The following RALGAPA1 variants were observed in gnomAD, a reference collection of about 807,000 sequenced individuals.
RALGAPA1 encodes the protein Ral GTPase activating protein catalytic subunit alpha 1, also known as ral GTPase-activating protein subunit alpha-1.
A neutral mutation model predicts 269.6 loss-of-function variants in RALGAPA1; 52 were observed. The ratio of observed to expected loss-of-function variants is 0.19; its 90% CI spans 0.15 to 0.24. RALGAPA1 has a LOEUF of 0.24. Among genes scored for constraint, RALGAPA1 ranks in the 10% least tolerant of loss-of-function variants. The pLI, the probability that RALGAPA1 is intolerant of heterozygous loss-of-function variation, is 1.00. For missense variants in RALGAPA1, 1,917 were observed against 3,013.9 expected (o/e 0.64, Z 8.52); for synonymous variants, 817 against 1,008.3 (o/e 0.81, Z 3.60).
intron 33 of RALGAPA1, among the ~76,000 whole-genome samples, chr14:35,629,850 T>C (rs1688598873): frequency 6.6e-6 from 1 of 152,216 alleles, no homozygotes; most frequent in African/African-American, 2.4e-5. Flanking sequence ...ATTTTATGTG[T>C]TTAGTTTGAT....
intron 21 of RALGAPA1, among the ~76,000 whole-genome samples, chr14:35,680,143 T>A (rs2065293643): frequency 1.3e-5 from 2 of 152,338 alleles, no homozygotes; most frequent in South Asian, 4.1e-4. Flanking sequence ...ATAAACCTTT[T>A]TATCTCCATG....
intron 16 of RALGAPA1, among the ~76,000 whole-genome samples, chr14:35,716,726 CT>C (rs1481783678): frequency 6.6e-6 from 1 of 152,128 alleles, no homozygotes; most frequent in Admixed American, 6.5e-5. Context: ...CCCACCTCAA[CT>C]TTTTAAAAAT....
chr14:35,606,770 A>C (rs1261865663), intron 35 of RALGAPA1, among the ~76,000 whole-genome samples: 1 of 151,300 alleles, frequency 6.6e-6, no homozygotes, highest in Non-Finnish European at 1.5e-5. Context: ...AAAAAAAAAA[A>C]CCCTGCAACA....
chr14:35,766,472 TG>T, intron 4 of RALGAPA1: 3 of 1,495,232 alleles, frequency 2.0e-6, no homozygotes, highest in Non-Finnish European at 2.8e-6. Flanking sequence ...CCAAAGCAAT[TG>T]AAGTATCCTT....
chr14:35,704,512 A>G (rs1397824064), intron 16 of RALGAPA1, among the ~76,000 whole-genome samples: 5 of 152,150 alleles, frequency 3.3e-5, no homozygotes, highest in Non-Finnish European at 1.5e-5. Context: ...TTAGACTTTC[A>G]AAGAAAAAAC....
intron 10 of RALGAPA1, among the ~76,000 whole-genome samples, chr14:35,743,510 G>A (rs1412733380): frequency 1.3e-5 from 2 of 152,008 alleles, no homozygotes; most frequent in Non-Finnish European, 2.9e-5. Context: ...TCACATTATT[G>A]TGGTTTTTAA....
chr14:35,781,745 T>C (rs1254697338), intron 1 of RALGAPA1, among the ~76,000 whole-genome samples: 1 of 152,040 alleles, frequency 6.6e-6, no homozygotes, highest in East Asian at 1.9e-4. Context: ...ATAGTTTCAA[T>C]AGACACAGAA....
At chr14:35,719,849 C>T (rs2069216765) in intron 16 of RALGAPA1, among the ~76,000 whole-genome samples, 1 of 152,258 alleles carries the variant, frequency 6.6e-6, no homozygotes, top group African/African-American at 2.4e-5. Context: ...CGCCTGGGTT[C>T]AAGCGATTCT....
At chr14:35,804,606 T>TA (rs986672696) in intron 1 of RALGAPA1, among the ~76,000 whole-genome samples, 1 of 137,206 alleles carries the variant, frequency 7.3e-6, no homozygotes, top group African/African-American at 2.7e-5. Flanking sequence ...AATAAATAAA[T>TA]AAATAAATAG....
At chr14:35,690,051 A>G in intron 17 of RALGAPA1, 48 bp from the exon 18 acceptor site, 1 of 1,304,562 alleles carries the variant, frequency 7.7e-7, no homozygotes, top group African/African-American at 1.6e-5. Flanking sequence ...ACAAATATAA[A>G]AAATAATTAT....
At chr14:35,679,596 G>A (rs1198438847) in intron 21 of RALGAPA1, among the ~76,000 whole-genome samples, 1 of 152,182 alleles carries the variant, frequency 6.6e-6, no homozygotes, top group Non-Finnish European at 1.5e-5. Flanking sequence ...CAGAATGGTT[G>A]TATGAGTATT....
Position 35,572,671 on chromosome 14 carries a change from A to G in RALGAPA1, c.7257T>C (p.His2419=), listed in dbSNP as rs1445412554. The G allele has an allele frequency of 1.2e-6, 2 of 1,609,710 alleles. No individual in the cohort carries two copies. The highest frequency in any genetic ancestry group is 1.7e-6 in the Non-Finnish European group (2 of 1,178,058). ...TAATTCCTCTCCTGTAGTCTCTAGTATGCTCTGACCAAACAATGTGCACTT... is the reference window on the plus strand; with the variant it reads ...TAATTCCTCTCCTGTAGTCTCTAGTGTGCTCTGACCAAACAATGTGCACTT... ...NDEVHIVWSE[H]TRDYRRGIIP... is the part of the protein sequence containing the mutation. The change falls in exon 38 of 42, where the codon CAT becomes CAC. Residue 2419 remains histidine, a synonymous_variant. Coordinates refer to ENST00000680220, the MANE Select transcript of RALGAPA1 (RefSeq NM_001346249.2).
At chr14:35,707,042 C>A (rs2140752144) in intron 16 of RALGAPA1, 1 of 152,234 alleles carries the variant, frequency 6.6e-6, no homozygotes, top group Non-Finnish European at 1.5e-5. Flanking sequence ...TAGTTTTCCT[C>A]ATATAGATCT....
chr14:35,655,180 A>G (rs1294063410), intron 29 of RALGAPA1, among the ~76,000 whole-genome samples: 1 of 152,118 alleles, frequency 6.6e-6, no homozygotes, highest in Non-Finnish European at 1.5e-5. Flanking sequence ...CTCATAGTAA[A>G]TATTTAGAAA....
intron 16 of RALGAPA1, among the ~76,000 whole-genome samples, chr14:35,703,189 T>C (rs545357448): frequency 1.3e-5 from 2 of 152,284 alleles, no homozygotes; most frequent in African/African-American, 2.4e-5. Context: ...AATGTACCCC[T>C]TGGCTGGTGT....
chr14:35,798,222 T>C (rs2076718810), intron 1 of RALGAPA1, among the ~76,000 whole-genome samples: 2 of 149,660 alleles, frequency 1.3e-5, no homozygotes, highest in Non-Finnish European at 3.0e-5. Flanking sequence ...CCCAGGCTAG[T>C]GTGCAGGGGC....
chr14:35,613,124 C>T (rs1013544446), intron 35 of RALGAPA1, among the ~76,000 whole-genome samples: 3 of 151,514 alleles, frequency 2.0e-5, no homozygotes, highest in Admixed American at 6.6e-5. Context: ...CTCTGTCATC[C>T]AGGCTGGAGG....
intron 21 of RALGAPA1, among the ~76,000 whole-genome samples, chr14:35,678,831 C>T (rs540718382): frequency 1.4e-4 from 21 of 152,212 alleles, no homozygotes; most frequent in Admixed American, 4.6e-4. Flanking sequence ...ATCCTCTTTT[C>T]GGCCTGGTTA....
intron 39 of RALGAPA1, among the ~76,000 whole-genome samples, chr14:35,552,653 T>G (rs1367760711): frequency 6.7e-6 from 1 of 149,578 alleles, no homozygotes; most frequent in Non-Finnish European, 1.5e-5. Context: ...CAAAATTAGC[T>G]AATAAAAACC....
Sources: allele counts gnomAD v4.1 joint callset (sites outside exome capture counted in the v4.1 genomes callset), GRCh38; gene constraint gnomAD v4.1.1; transcripts MANE v1.5; gene names NCBI Gene and HGNC (gene_info 2026-07-23, HGNC 2026-07-21).